FNDC3A: variants seen among roughly 807,000 people sequenced by gnomAD.
FNDC3A encodes the protein fibronectin type-III domain-containing protein 3A.
Under a neutral mutation model 148.9 loss-of-function variants are expected in FNDC3A, and 32 were observed. That is an observed-to-expected ratio of 0.21 (90% CI 0.16 to 0.29). The LOEUF is 0.29. FNDC3A is among the 10% of genes least tolerant of loss of function. The pLI, the probability that FNDC3A is intolerant of heterozygous loss-of-function variation, is 1.00. For synonymous variants in FNDC3A, 472 were observed against 473.6 expected (o/e 1.00, Z 0.04); for missense variants, 1,191 against 1,452.8 (o/e 0.82, Z 2.93).
chr13:48,999,903 T>G (rs1593453547), intron 1 of FNDC3A, among the ~76,000 whole-genome samples: 1 of 152,234 alleles, frequency 6.6e-6, no homozygotes, highest in Non-Finnish European at 1.5e-5. Context: ...CATCTGGATC[T>G]TAAACTTCCC....
chr13:48,982,011 A>T (rs969346270), intron 1 of FNDC3A, among the ~76,000 whole-genome samples: 1 of 152,116 alleles, frequency 6.6e-6, no homozygotes, highest in Non-Finnish European at 1.5e-5. Context: ...AAAAAATCTT[A>T]CTTCTCTAGG....
At position 49,006,833 on chromosome 13, in the gene FNDC3A, T is replaced by C. The variant is rs558803202; in HGVS notation, c.99+544T>C. ...GGAATAATAAGCTTTCACAAGTACT[T>C]ATTATGGGCCAGGCAATGTGCTTCA... On this transcript the variant is annotated intron_variant, in intron 2 of 25. Transcript: ENST00000492622. Among the ~76,000 whole-genome samples the C allele has an allele frequency of 2.6e-5, 4 of 152,184 alleles. No homozygotes were observed. In the East Asian group the frequency reaches 5.8e-4, roughly 22 times the overall value.
chr13:49,093,291 T>C (rs1879307541), intron 3 of FNDC3A, among the ~76,000 whole-genome samples: 1 of 152,198 alleles, frequency 6.6e-6, no homozygotes, highest in Non-Finnish European at 1.5e-5. Flanking sequence ...CATATAACAA[T>C]AGAATTGTCT....
chr13:48,996,570 A>G (rs1451146655), intron 1 of FNDC3A, among the ~76,000 whole-genome samples: 1 of 152,228 alleles, frequency 6.6e-6, no homozygotes, highest in East Asian at 1.9e-4. Flanking sequence ...GAATGTGCAT[A>G]GGTTATATGC....
intron 1 of FNDC3A, among the ~76,000 whole-genome samples, chr13:48,980,059 A>C (rs1178347826): frequency 2.0e-5 from 3 of 151,844 alleles, no homozygotes; most frequent in Non-Finnish European, 4.4e-5. Context: ...ATTTTTCCTT[A>C]TGTTATCCTA....
At chr13:49,007,135 T>C (rs995696217) in intron 2 of FNDC3A, among the ~76,000 whole-genome samples, 1 of 152,112 alleles carries the variant, frequency 6.6e-6, no homozygotes, top group African/African-American at 2.4e-5. Flanking sequence ...TAACTGTTAC[T>C]CATACTGCCT....
chr13:49,033,097 T>G (rs1448974676), intron 2 of FNDC3A, among the ~76,000 whole-genome samples: 2 of 152,196 alleles, frequency 1.3e-5, no homozygotes, highest in Non-Finnish European at 2.9e-5. Flanking sequence ...TGATGCTTGT[T>G]TCTTTTATAT....
Position 49,131,206 on chromosome 13 carries a change from C to T in FNDC3A, c.322C>T (p.His108Tyr), listed in dbSNP as rs781606495. Residue 108 changes from histidine (H) to tyrosine (Y), a missense_variant, in exon 5 of 26, where the codon CAC (histidine) becomes TAC (tyrosine). By Grantham distance (83) the His-to-Tyr change is moderately conservative. Coordinates refer to ENST00000492622, the MANE Select transcript of FNDC3A (RefSeq NM_001079673.2). ...GGCACCAGAGTTTCACCCTGGTAGT[C>T]ACACAGTTCTCCACCGTTCTCCACA... ...PQAPEFHPGSHTVLHRSPHPP... is the reference protein window; with the variant it reads ...PQAPEFHPGSYTVLHRSPHPP... The T allele has an allele frequency of 6.2e-7, 1 of 1,614,054 alleles. No homozygotes were observed. The highest frequency in any genetic ancestry group is 8.5e-7 in the Non-Finnish European group (1 of 1,179,974).
chr13:49,008,718 T>C (rs1481090216), intron 2 of FNDC3A, among the ~76,000 whole-genome samples: 1 of 152,210 alleles, frequency 6.6e-6, no homozygotes, highest in African/African-American at 2.4e-5. Flanking sequence ...GAATTGCTCC[T>C]GATATCACTG....
chr13:49,055,492 C>G (rs144670228), intron 2 of FNDC3A, among the ~76,000 whole-genome samples: 1 of 152,114 alleles, frequency 6.6e-6, no homozygotes. Context: ...CAGCATTTAA[C>G]ATCAACACAG....
At chr13:49,019,540 G>A (rs187845360) in intron 2 of FNDC3A, among the ~76,000 whole-genome samples, 1,868 of 152,292 alleles carry the variant, frequency 0.012, 13 homozygotes, top group Non-Finnish European at 0.019. Context: ...ACCTCAGATG[G>A]AAATGCAGAA....
At chr13:49,165,932 C>T (rs1012170967) in intron 8 of FNDC3A, among the ~76,000 whole-genome samples, 4 of 152,034 alleles carry the variant, frequency 2.6e-5, no homozygotes, top group Non-Finnish European at 4.4e-5. Context: ...GAGGAGTGCT[C>T]AGGTGTGTGG....
intron 8 of FNDC3A, among the ~76,000 whole-genome samples, chr13:49,159,954 C>T (rs906867324): frequency 6.6e-6 from 1 of 152,196 alleles, no homozygotes; most frequent in Non-Finnish European, 1.5e-5. Context: ...AGCCTTGCAT[C>T]CCAGGGATGA....
chr13:49,168,427 G>A (rs774894108), intron 9 of FNDC3A, among the ~76,000 whole-genome samples, 186 bp from the exon 10 acceptor site: 5 of 150,834 alleles, frequency 3.3e-5, no homozygotes, highest in Non-Finnish European at 7.4e-5. Flanking sequence ...TCTTTGGGTT[G>A]CAGCAAAAAA....
chr13:49,110,104 T>C (rs1165894006), intron 3 of FNDC3A, among the ~76,000 whole-genome samples: 1 of 152,158 alleles, frequency 6.6e-6, no homozygotes, highest in Non-Finnish European at 1.5e-5. Context: ...AATTGGTTCA[T>C]AAGGAAGTCT....
intron 8 of FNDC3A, among the ~76,000 whole-genome samples, chr13:49,148,554 T>A (rs901801016): frequency 5.3e-5 from 8 of 152,214 alleles, no homozygotes; most frequent in African/African-American, 1.4e-4. Context: ...ATTGTGTTCC[T>A]TAGTTCTTGT....
At chr13:49,100,385 T>C (rs188142816) in intron 3 of FNDC3A, among the ~76,000 whole-genome samples, 276 of 152,252 alleles carry the variant, frequency 1.8e-3, no homozygotes, top group African/African-American at 6.4e-3. Flanking sequence ...GTTTCCTCCT[T>C]CTTCCTGTCA....
At chr13:49,015,740 T>A (rs539220478) in intron 2 of FNDC3A, among the ~76,000 whole-genome samples, 1 of 152,120 alleles carries the variant, frequency 6.6e-6, no homozygotes, top group East Asian at 1.9e-4. Context: ...GCTGTGGGTT[T>A]GTCATAGATA....
intron 2 of FNDC3A, among the ~76,000 whole-genome samples, chr13:49,033,817 A>G (rs1439043590): frequency 6.6e-6 from 1 of 152,054 alleles, no homozygotes; most frequent in African/African-American, 2.4e-5. Flanking sequence ...AGGTGCTGAT[A>G]GAGTATTAAG....
Sources: gnomAD v4.1 joint callset for allele counts (sites outside exome capture counted in the v4.1 genomes callset) on GRCh38, gnomAD v4.1.1 for gene constraint, MANE v1.5 for transcripts, NCBI Gene and HGNC (gene_info 2026-07-23, HGNC 2026-07-21) for gene names.